Variants in RNLS observed in about 807,000 individuals in gnomAD.
The protein encoded by RNLS is renalase, FAD dependent amine oxidase.
In RNLS, 39 loss-of-function variants were observed where a neutral mutation model predicts 39.8. That is an observed-to-expected ratio of 0.98 (90% CI 0.76 to 1.28). The LOEUF is 1.28. RNLS is among the 50% of genes most tolerant of loss of function. RNLS has a pLI of 0.00. For missense variants in RNLS, 410 were observed against 413.3 expected, an observed-to-expected ratio of 0.99 and a Z score of 0.07; for synonymous variants, 147 against 150.7, an observed-to-expected ratio of 0.98 and a Z score of 0.18.
chr10:88,524,956 C>CACACACACACACAT (rs768939981), intron 4 of RNLS, among the ~76,000 whole-genome samples: 17 of 76,292 alleles, frequency 2.2e-4, no homozygotes, highest in African/African-American at 6.4e-4. Flanking sequence ...ATGGCACACA[C>CACACACACACACAT]ATACATATAT....
chr10:88,456,487 C>G (rs7077182), intron 4 of RNLS, among the ~76,000 whole-genome samples: 49,840 of 151,764 alleles, frequency 0.33, 9,672 homozygotes, highest in African/African-American at 0.54. Context: ...AACGCAAAAC[C>G]AAAGTTACAC....
At chr10:88,288,438 C>T (rs1843436995) in intron 6 of RNLS, among the ~76,000 whole-genome samples, 1 of 152,136 alleles carries the variant, frequency 6.6e-6, no homozygotes, top group Non-Finnish European at 1.5e-5. Context: ...CTTTAGGCAT[C>T]TGGAAAATTC....
At chr10:88,227,391 A>C in the RNLS span, among the ~76,000 whole-genome samples, 1 of 152,176 alleles carries the variant, frequency 6.6e-6, no homozygotes, top group African/African-American at 2.4e-5. Context: ...AACTAAATTT[A>C]CTCCTCTGAT....
At chr10:88,289,845 T>C (rs938161563) in intron 6 of RNLS, among the ~76,000 whole-genome samples, 4 of 152,182 alleles carry the variant, frequency 2.6e-5, no homozygotes, top group Admixed American at 6.6e-5. Flanking sequence ...TTTAGAAGAC[T>C]CTTAATAATG....
In RNLS at chr10:88,409,072, A is replaced by C. The variant is rs139707938; in HGVS notation, c.527-46347T>G. Among the ~76,000 whole-genome samples the C allele has an allele frequency of 5.3e-3, 813 of 152,192 alleles. 5 individuals are homozygous for C. The highest frequency in any genetic ancestry group is 0.019 in the African/African-American group (769 of 41,548). On this transcript the variant is annotated intron_variant, in intron 4 of 6. Coordinates refer to ENST00000331772, the MANE Select transcript of RNLS (RefSeq NM_001031709.3). ...TTAAGGAAATTATTTACTGTTTAAAATTTTTTCACACAGATGATGTAGATG... is the reference window on the plus strand; with the variant it reads ...TTAAGGAAATTATTTACTGTTTAAACTTTTTTCACACAGATGATGTAGATG...
chr10:88,434,304 T>C (rs894003256), intron 4 of RNLS, among the ~76,000 whole-genome samples: 4 of 152,080 alleles, frequency 2.6e-5, no homozygotes, highest in African/African-American at 7.2e-5. Context: ...GTGGGTGTAT[T>C]AACAAGATAA....
At chr10:88,393,858 G>A (rs1852374337) in intron 4 of RNLS, among the ~76,000 whole-genome samples, 1 of 152,098 alleles carries the variant, frequency 6.6e-6, no homozygotes, top group Non-Finnish European at 1.5e-5. Flanking sequence ...TACACCAATG[G>A]AACAGAACAG....
rs868596481 is a variant in RNLS, at chr10:88,565,875, G to A, written c.526+7028C>T. On this transcript the variant is annotated intron_variant, in intron 4 of 6. Coordinates refer to ENST00000331772, the MANE Select transcript of RNLS (RefSeq NM_001031709.3). ...AGCGATTCTCCTGCCTCAGCCTCCT[G>A]AGTAGCTGGGACTACAGGCGCACTC... is the stretch of plus-strand genomic sequence containing the variant. Among the ~76,000 whole-genome samples the A allele has an allele frequency of 1.3e-4, 19 of 149,616 alleles. No individual in the cohort carries two copies. The Middle Eastern group carries it at 0.017, about 137-fold the overall frequency.
chr10:88,425,765 T>C (rs1034235830), intron 4 of RNLS, among the ~76,000 whole-genome samples: 1 of 152,006 alleles, frequency 6.6e-6, no homozygotes, highest in African/African-American at 2.4e-5. Context: ...AAAGGTGAAA[T>C]GACTTACACT....
At chr10:88,580,785 C>T (rs57841856) in intron 3 of RNLS, among the ~76,000 whole-genome samples, 2,944 of 152,156 alleles carry the variant, frequency 0.019, 72 homozygotes, top group South Asian at 0.085. Context: ...ATTAAAACCA[C>T]GAAGAGATCC....
chr10:88,312,096 C>A (rs79928891), intron 6 of RNLS, among the ~76,000 whole-genome samples: 1 of 152,126 alleles, frequency 6.6e-6, no homozygotes, highest in Non-Finnish European at 1.5e-5. Flanking sequence ...TGTCTTAATC[C>A]CTGGAACCTA....
the RNLS span, among the ~76,000 whole-genome samples, chr10:88,253,015 C>A: frequency 6.6e-6 from 1 of 152,188 alleles, no homozygotes; most frequent in Non-Finnish European, 1.5e-5. Context: ...GGGCCTTGAA[C>A]ACTCACTCAA....
intron 4 of RNLS, among the ~76,000 whole-genome samples, chr10:88,431,587 T>C (rs1260701225): frequency 6.6e-6 from 1 of 151,712 alleles, no homozygotes; most frequent in Non-Finnish European, 1.5e-5. Flanking sequence ...GAGACCTTTC[T>C]TCTTTACCAA....
intron 4 of RNLS, among the ~76,000 whole-genome samples, chr10:88,550,031 TG>T (rs995973199): frequency 6.6e-6 from 1 of 152,140 alleles, no homozygotes; most frequent in African/African-American, 2.4e-5. Context: ...TCTAAAGTTT[TG>T]GGGGGTTGTT....
intron 4 of RNLS, among the ~76,000 whole-genome samples, chr10:88,475,263 T>C (rs1462042170): frequency 6.6e-6 from 1 of 152,184 alleles, no homozygotes; most frequent in East Asian, 1.9e-4. Context: ...CTAAAAGTGA[T>C]GGCCAGCAAC....
At chr10:88,553,346 T>C (rs1848690178) in intron 4 of RNLS, among the ~76,000 whole-genome samples, 1 of 152,176 alleles carries the variant, frequency 6.6e-6, no homozygotes, top group African/African-American at 2.4e-5. Context: ...CAGAAGAACA[T>C]TTAAACACTG....
chr10:88,576,491 T>C (rs1850220258), intron 3 of RNLS, among the ~76,000 whole-genome samples: 1 of 152,214 alleles, frequency 6.6e-6, no homozygotes, highest in African/African-American at 2.4e-5. Flanking sequence ...TAGGTTTTAG[T>C]GAGCAGCAGT....
chr10:88,518,790 G>A (rs558041425), intron 4 of RNLS, among the ~76,000 whole-genome samples: 2 of 152,006 alleles, frequency 1.3e-5, no homozygotes, highest in South Asian at 2.1e-4. Flanking sequence ...TAGATGTATC[G>A]CTGCTGTTAA....
At chr10:88,267,448 A>G in the RNLS span, among the ~76,000 whole-genome samples, 1,656 of 152,002 alleles carry the variant, frequency 0.011, 26 homozygotes, top group African/African-American at 0.035. Flanking sequence ...TGGTGGCGCA[A>G]ATCTATAGTC....
Sources: allele counts gnomAD v4.1 joint callset (sites outside exome capture counted in the v4.1 genomes callset), GRCh38; gene constraint gnomAD v4.1.1; transcripts MANE v1.5; gene names NCBI Gene and HGNC (gene_info 2026-07-23, HGNC 2026-07-21).